The following NKAIN2 variants were observed in gnomAD, a reference collection of about 807,000 sequenced individuals.
NKAIN2 encodes the protein sodium/potassium transporting ATPase interacting 2.
A neutral mutation model predicts 32.6 loss-of-function variants in NKAIN2; 14 were observed. The observed-to-expected ratio is 0.43, with a 90% CI of 0.28 to 0.67. The LOEUF (loss-of-function observed/expected upper bound fraction) is 0.67. Ranked by LOEUF, NKAIN2 falls within the 30% of genes least tolerant of loss-of-function variation. The pLI, the probability that NKAIN2 is intolerant of heterozygous loss-of-function variation, is 0.17. For missense variants in NKAIN2, 198 were observed against 258.3 expected (o/e 0.77, Z 1.60); for synonymous variants, 80 against 87.2 (o/e 0.92, Z 0.46).
chr6:124,453,667 T>C (rs1341227051), intron 3 of NKAIN2, among the ~76,000 whole-genome samples: 1 of 152,132 alleles, frequency 6.6e-6, no homozygotes, highest in Admixed American at 6.6e-5. Context: ...AGCACTGTAA[T>C]CTATTGTGCA....
chr6:124,100,881 A>T (rs934062140), intron 1 of NKAIN2, among the ~76,000 whole-genome samples: 2 of 152,208 alleles, frequency 1.3e-5, no homozygotes, highest in Admixed American at 1.3e-4. Context: ...GCAAGGAAGC[A>T]AAAAGAGGCT....
At position 124,529,640 on chromosome 6, in the gene NKAIN2, C is replaced by T. The variant is rs183306716; in HGVS notation, c.274-128546C>T. On this transcript the variant is annotated intron_variant, in intron 3 of 6. Coordinates refer to ENST00000368417, the MANE Select transcript of NKAIN2 (RefSeq NM_001040214.3). ...GTCAGCAGCCCAGAATCACCTGGCC[C>T]GAGGCTTAGGAGAAGGTGGTTCCCA... Among the ~76,000 whole-genome samples the T allele has an allele frequency of 3.8e-4, 58 of 152,176 alleles. 1 individual carries two copies. Among genetic ancestry groups the T allele is most frequent in the Admixed American group, 2.0e-4 (3 of 15,286 alleles).
At chr6:123,918,352 G>A (rs1042466730) in intron 1 of NKAIN2, among the ~76,000 whole-genome samples, 1 of 152,100 alleles carries the variant, frequency 6.6e-6, no homozygotes, top group African/African-American at 2.4e-5. Flanking sequence ...AAAAATTGAG[G>A]AAATACTCTC....
At chr6:123,936,403 A>G (rs1317644332) in intron 1 of NKAIN2, among the ~76,000 whole-genome samples, 1 of 152,194 alleles carries the variant, frequency 6.6e-6, no homozygotes. Context: ...GATGTGGGAC[A>G]AAATGCATAA....
At chr6:124,593,389 T>G (rs915706461) in intron 3 of NKAIN2, among the ~76,000 whole-genome samples, 2 of 152,190 alleles carry the variant, frequency 1.3e-5, no homozygotes, top group African/African-American at 4.8e-5. Flanking sequence ...TATATCCTAA[T>G]TCTTAGCATA....
At chr6:123,902,685 T>C (rs574338346) in intron 1 of NKAIN2, among the ~76,000 whole-genome samples, 1 of 152,190 alleles carries the variant, frequency 6.6e-6, no homozygotes, top group African/African-American at 2.4e-5. Context: ...TCCAAAAAAA[T>C]ATTTAAAGAA....
intron 3 of NKAIN2, among the ~76,000 whole-genome samples, chr6:124,633,415 GA>G (rs1264225601): frequency 6.6e-6 from 1 of 152,082 alleles, no homozygotes; most frequent in East Asian, 1.9e-4. Flanking sequence ...TCTTTAAAAT[GA>G]AAAGATTTAT....
intron 5 of NKAIN2, chr6:124,804,605 C>G (rs1194297028): frequency 1.3e-5 from 2 of 156,860 alleles, no homozygotes; most frequent in African/African-American, 4.8e-5. Flanking sequence ...TCTGAGGTAC[C>G]AGGTTCATCT....
At chr6:124,023,567 G>A (rs1319765117) in intron 1 of NKAIN2, among the ~76,000 whole-genome samples, 12 of 152,036 alleles carry the variant, frequency 7.9e-5, no homozygotes, top group Admixed American at 7.9e-4. Context: ...ACTCATTGAT[G>A]TTTATAAACA....
intron 2 of NKAIN2, among the ~76,000 whole-genome samples, chr6:124,331,754 A>G (rs1216153772): frequency 1.3e-5 from 2 of 152,210 alleles, no homozygotes; most frequent in Non-Finnish European, 2.9e-5. Context: ...AGCCTCATAC[A>G]TAGAAATTCA....
At chr6:124,092,163 C>G (rs1023691775) in intron 1 of NKAIN2, among the ~76,000 whole-genome samples, 2 of 152,000 alleles carry the variant, frequency 1.3e-5, no homozygotes, top group African/African-American at 4.8e-5. Context: ...ATACACAGCA[C>G]CAAGTGCATC....
In NKAIN2 at chr6:124,423,997, T is replaced by A. The variant is rs867814755; in HGVS notation, c.273+68650T>A. Among the ~76,000 whole-genome samples, 11 of 152,312 alleles carry A rather than the reference T, an allele frequency of 7.2e-5. No homozygotes were observed. The South Asian group carries it at 1.9e-3, about 26-fold the overall frequency. ...CTGTTGTAAACACTTTTAATTTAAC[T>A]TTTTTATTTTTTTGAGACAAGAGTC... On this transcript the variant is annotated intron_variant, in intron 3 of 6. Coordinates refer to ENST00000368417, the MANE Select transcript of NKAIN2 (RefSeq NM_001040214.3).
intron 1 of NKAIN2, among the ~76,000 whole-genome samples, chr6:123,868,035 A>ATT (rs769273007): frequency 6.6e-6 from 1 of 151,752 alleles, no homozygotes; most frequent in Non-Finnish European, 1.5e-5. Context: ...CACCCGGCTA[A>ATT]TTTTTTGTAT....
chr6:124,523,634 C>T (rs941167187), intron 3 of NKAIN2, among the ~76,000 whole-genome samples: 21 of 151,946 alleles, frequency 1.4e-4, no homozygotes, highest in African/African-American at 3.6e-4. Context: ...ATCATTTTGA[C>T]GTATGAAAGG....
At chr6:123,911,999 A>G (rs1161427618) in intron 1 of NKAIN2, among the ~76,000 whole-genome samples, 1 of 151,552 alleles carries the variant, frequency 6.6e-6, no homozygotes, top group Non-Finnish European at 1.5e-5. Context: ...AAATTAGATA[A>G]GTCTAACCAT....
chr6:124,430,991 A>G (rs1775195284), intron 3 of NKAIN2, among the ~76,000 whole-genome samples: 1 of 152,168 alleles, frequency 6.6e-6, no homozygotes, highest in South Asian at 2.1e-4. Context: ...AATATGCATG[A>G]CCTCCATAGA....
At chr6:123,842,312 C>T (rs993606345) in intron 1 of NKAIN2, among the ~76,000 whole-genome samples, 2 of 152,174 alleles carry the variant, frequency 1.3e-5, no homozygotes, top group African/African-American at 4.8e-5. Context: ...AATTCAGTTC[C>T]TGGTGAGGGC....
At chr6:124,587,968 A>G (rs958460514) in intron 3 of NKAIN2, among the ~76,000 whole-genome samples, 5 of 152,194 alleles carry the variant, frequency 3.3e-5, no homozygotes, top group African/African-American at 1.2e-4. Flanking sequence ...CAAGTGCCCA[A>G]TCCTCCTAAA....
chr6:124,751,545 G>A (rs1777720938), intron 4 of NKAIN2, among the ~76,000 whole-genome samples: 1 of 151,786 alleles, frequency 6.6e-6, no homozygotes, highest in South Asian at 2.1e-4. Flanking sequence ...TACAGGAGAG[G>A]AAATTATTTA....
Sources: allele counts gnomAD v4.1 joint callset (sites outside exome capture counted in the v4.1 genomes callset), GRCh38; gene constraint gnomAD v4.1.1; transcripts MANE v1.5; gene names NCBI Gene and HGNC (gene_info 2026-07-23, HGNC 2026-07-21).